The following ADAMTS20 variants were observed in gnomAD, a reference collection of about 807,000 sequenced individuals.
ADAMTS20 encodes A disintegrin and metalloproteinase with thrombospondin motifs 20.
Under a neutral mutation model 260.1 loss-of-function variants are expected in ADAMTS20, and 225 were observed. The ratio of observed to expected loss-of-function variants is 0.87; its 90% confidence interval spans 0.78 to 0.97. The LOEUF is 0.97. Ranked by LOEUF, ADAMTS20 falls within the 50% of genes least tolerant of loss-of-function variation. ADAMTS20 has a pLI of 0.00. For missense variants in ADAMTS20, 2,400 were observed against 2,337.7 expected, an observed-to-expected ratio of 1.03 and a Z score of -0.55; for synonymous variants, 802 against 769.5, an observed-to-expected ratio of 1.04 and a Z score of -0.70.
At chr12:43,413,333 T>C (rs760874050) in intron 28 of ADAMTS20, among the ~76,000 whole-genome samples, 29 of 152,182 alleles carry the variant, frequency 1.9e-4, no homozygotes, top group Non-Finnish European at 3.7e-4. Flanking sequence ...TTGTGTATGA[T>C]GGGCAAAATC....
chr12:43,472,779 C>A (rs1312840243), intron 7 of ADAMTS20, among the ~76,000 whole-genome samples: 2 of 151,594 alleles, frequency 1.3e-5, no homozygotes, highest in African/African-American at 4.9e-5. Context: ...TACAAACAAG[C>A]AAATGCTGAG....
chr12:43,459,524 T>C (rs1167613500), intron 11 of ADAMTS20, among the ~76,000 whole-genome samples: 1 of 152,196 alleles, frequency 6.6e-6, no homozygotes, highest in Non-Finnish European at 1.5e-5. Flanking sequence ...ATTTTGGAAG[T>C]GGCCTGCCAC....
intron 31 of ADAMTS20, among the ~76,000 whole-genome samples, chr12:43,382,136 T>C (rs1940368217): frequency 6.6e-6 from 1 of 152,154 alleles, no homozygotes; most frequent in Admixed American, 6.5e-5. Flanking sequence ...TCCCTAGGTA[T>C]ATGCCCAAGA....
At chr12:43,366,639 C>T (rs1207859014) in intron 37 of ADAMTS20, among the ~76,000 whole-genome samples, 1 of 151,348 alleles carries the variant, frequency 6.6e-6, no homozygotes, top group African/African-American at 2.4e-5. Flanking sequence ...AGGTTGAAAT[C>T]CAAAAAAAGA....
rs373656450 is a variant in ADAMTS20, at chr12:43,490,407, A to G, written c.1105T>C (p.Cys369Arg). 1.6e-6 allele frequency: 2 copies of G among 1,283,160 alleles called. No homozygotes were observed. The highest frequency in any genetic ancestry group is 2.1e-6 in the Non-Finnish European group (2 of 948,084). 79.5% of individuals were successfully genotyped at this position (1,283,160 alleles called of 1,614,324 possible). The change falls in exon 7 of 39, where the codon TGT becomes CGT. Residue 369 changes from cysteine (C) to arginine (R), a missense_variant. Coordinates refer to ENST00000389420, the MANE Select transcript of ADAMTS20 (RefSeq NM_025003.5). ...REDICSSKEK[C>R]NMLGLSYLGT... ...CAAAATAACTTACCTAACATGTTAC[A>G]TTTCTCTTTAGATGAACAAATGTCT...
At chr12:43,427,563 A>C in intron 26 of ADAMTS20, 94 bp from the exon 27 acceptor site, 6 of 1,216,544 alleles carry the variant, frequency 4.9e-6, no homozygotes, top group Non-Finnish European at 6.6e-6. Context: ...GACTCAATCA[A>C]AATCAAACCC....
At chr12:43,371,286 A>C (rs1293908316) in intron 36 of ADAMTS20, among the ~76,000 whole-genome samples, 1 of 152,262 alleles carries the variant, frequency 6.6e-6, no homozygotes, top group Admixed American at 6.5e-5. Context: ...AGATTGTTCA[A>C]ACTATCTGTT....
At chr12:43,536,585 C>T (rs1592115290) in intron 2 of ADAMTS20, among the ~76,000 whole-genome samples, 2 of 152,238 alleles carry the variant, frequency 1.3e-5, no homozygotes, top group East Asian at 3.9e-4. Flanking sequence ...AAAGCTGAGG[C>T]TAGAGTAATC....
In ADAMTS20 at chr12:43,449,684, G is replaced by C. The variant is rs570555897; in HGVS notation, c.2079+2590C>G. ...CCAACTATAAGCATGGTGCTTTAAA[G>C]TTTACAAAGTTCTTTTCACAAATAT... On this transcript the variant is annotated intron_variant, in intron 14 of 38. Coordinates refer to ENST00000389420, the MANE Select transcript of ADAMTS20 (RefSeq NM_025003.5). Among the ~76,000 whole-genome samples, 118 of 152,162 alleles carry C rather than the reference G, an allele frequency of 7.8e-4. 1 individual carries two copies. The highest frequency in any genetic ancestry group is 2.8e-3 in the African/African-American group (116 of 41,522).
Position 43,544,486 on chromosome 12 carries a change from C to A in ADAMTS20, c.453+6423G>T, listed in dbSNP as rs184295864. 3.6e-3 allele frequency among the ~76,000 whole-genome samples: 549 copies of A among 152,156 alleles called. 1 individual carries two copies. Among genetic ancestry groups the A allele is most frequent in the African/African-American group, 0.013 (519 of 41,506 alleles). Reference sequence around the variant, plus strand: ...TATAAATGAAATAGAAATGCAGACACCTAGCTTTAATTTAATATGTAATGA... The same window carrying A: ...TATAAATGAAATAGAAATGCAGACAACTAGCTTTAATTTAATATGTAATGA... On this transcript the variant is annotated intron_variant, in intron 2 of 38. Coordinates refer to ENST00000389420, the MANE Select transcript of ADAMTS20 (RefSeq NM_025003.5).
chr12:43,544,764 G>A (rs572788833), intron 2 of ADAMTS20, among the ~76,000 whole-genome samples: 2 of 152,222 alleles, frequency 1.3e-5, no homozygotes, highest in Admixed American at 6.5e-5. Context: ...TTCTGTCATT[G>A]CCTTTTTTGG....
At chr12:43,437,378 G>T (rs1049701954) in intron 18 of ADAMTS20, among the ~76,000 whole-genome samples, 1 of 152,048 alleles carries the variant, frequency 6.6e-6, no homozygotes, top group Non-Finnish European at 1.5e-5. Context: ...TCAAGACAAA[G>T]ATTTATGTTT....
intron 4 of ADAMTS20, among the ~76,000 whole-genome samples, chr12:43,495,293 C>G (rs1473259625): frequency 3.3e-5 from 5 of 152,052 alleles, no homozygotes. Flanking sequence ...AATTGTTATG[C>G]AAGGTGGATA....
At chr12:43,357,298 G>A (rs757517903) in intron 37 of ADAMTS20, among the ~76,000 whole-genome samples, 81 of 152,222 alleles carry the variant, frequency 5.3e-4, no homozygotes, top group Non-Finnish European at 1.1e-3. Context: ...TGTTCAGTAG[G>A]CATATAGATT....
chr12:43,538,307 G>A (rs1203500909), intron 2 of ADAMTS20, among the ~76,000 whole-genome samples: 1 of 152,140 alleles, frequency 6.6e-6, no homozygotes, highest in African/African-American at 2.4e-5. Context: ...TTTGCCATTT[G>A]TGTGTCTTCT....
At chr12:43,387,021 G>A (rs1348196756) in intron 29 of ADAMTS20, among the ~76,000 whole-genome samples, 1 of 152,112 alleles carries the variant, frequency 6.6e-6, no homozygotes, top group African/African-American at 2.4e-5. Flanking sequence ...GTCCAGTTTT[G>A]TTCCTTTGCT....
intron 7 of ADAMTS20, among the ~76,000 whole-genome samples, chr12:43,475,923 CAT>C (rs1316176565): frequency 1.5e-5 from 2 of 129,690 alleles, no homozygotes; most frequent in Non-Finnish European, 3.2e-5. Context: ...CCATTCAGGA[CAT>C]AGGCATGGGC....
chr12:43,471,122 G>T (rs1286072469), intron 7 of ADAMTS20, among the ~76,000 whole-genome samples: 2 of 152,060 alleles, frequency 1.3e-5, no homozygotes, highest in African/African-American at 2.4e-5. Flanking sequence ...CAGGCCAGTG[G>T]GTGCACGCAC....
intron 3 of ADAMTS20, among the ~76,000 whole-genome samples, chr12:43,530,561 T>C (rs1943206695): frequency 6.6e-6 from 1 of 152,160 alleles, no homozygotes; most frequent in Admixed American, 6.6e-5. Flanking sequence ...TATCATTATA[T>C]CTCAAAACAG....
Sources: gnomAD v4.1 joint callset for allele counts (sites outside exome capture counted in the v4.1 genomes callset) on GRCh38, gnomAD v4.1.1 for gene constraint, MANE v1.5 for transcripts, NCBI Gene and HGNC (gene_info 2026-07-23, HGNC 2026-07-21) for gene names.